SHOC2: variants seen among roughly 807,000 people sequenced by gnomAD.
The protein encoded by SHOC2 is SHOC2 leucine rich repeat scaffold protein, also known as leucine-rich repeat protein SHOC-2.
A neutral mutation model predicts 50.2 loss-of-function variants in SHOC2; 4 were observed. The ratio of observed to expected loss-of-function variants is 0.08; its 90% CI spans 0.04 to 0.18. The LOEUF (loss-of-function observed/expected upper bound fraction) is 0.18, where lower values mean the gene tolerates loss of function less well. SHOC2 is among the 10% of genes least tolerant of loss of function. The pLI is 1.00. For synonymous variants in SHOC2, 218 were observed against 244.5 expected (o/e 0.89, Z 1.01); for missense variants, 388 against 669.6 (o/e 0.58, Z 4.64).
At chr10:110,997,734 A>AAT (rs1248101498) in intron 3 of SHOC2, among the ~76,000 whole-genome samples, 1 of 152,188 alleles carries the variant, frequency 6.6e-6, no homozygotes, top group East Asian at 1.9e-4. Context: ...CTACCCTGTC[A>AAT]GGTATGTGGC....
chr10:110,940,060 GTAT>G (rs1429062837), intron 1 of SHOC2, among the ~76,000 whole-genome samples: 3 of 152,194 alleles, frequency 2.0e-5, no homozygotes, highest in African/African-American at 7.2e-5. Flanking sequence ...TAGACATAAT[GTAT>G]TATTGGAAGA....
intron 2 of SHOC2, among the ~76,000 whole-genome samples, chr10:110,965,567 T>C (rs1256035049): frequency 6.6e-6 from 1 of 152,112 alleles, no homozygotes; most frequent in Non-Finnish European, 1.5e-5. Flanking sequence ...AAAAAATTTT[T>C]TTTTGCATCT....
intron 1 of SHOC2, among the ~76,000 whole-genome samples, chr10:110,942,671 G>A (rs1236004309): frequency 2.6e-5 from 4 of 152,198 alleles, no homozygotes; most frequent in South Asian, 2.1e-4. Context: ...GGTCTACTCG[G>A]ACTCTTTCAT....
intron 1 of SHOC2, 41 bp downstream of exon 1, chr10:110,919,698 G>T (rs1846568979): frequency 2.5e-6 from 1 of 397,834 alleles, no homozygotes; most frequent in Non-Finnish European, 4.4e-6. Context: ...CTGTTGGTCG[G>T]TTCTTCCTGC....
At chr10:111,001,799 C>T (rs773172632) in intron 4 of SHOC2, among the ~76,000 whole-genome samples, 14 of 150,440 alleles carry the variant, frequency 9.3e-5, no homozygotes, top group African/African-American at 2.2e-4. Context: ...TTTGGGAGGC[C>T]GAGGCAGGCG....
Position 110,997,132 on chromosome 10 carries a change from A to G in SHOC2, c.842-3283A>G, listed in dbSNP as rs180931789. Among the ~76,000 whole-genome samples, 12 of 152,368 alleles carry G rather than the reference A, an allele frequency of 7.9e-5. No homozygotes were observed. The East Asian group carries it at 2.1e-3, about 27-fold the overall frequency. ...TTTGAACTTTAAAACAAGTTGACTTAGAAGCCAGAATTAAGTGAAATAACC... is the reference window on the plus strand; with the variant it reads ...TTTGAACTTTAAAACAAGTTGACTTGGAAGCCAGAATTAAGTGAAATAACC... On this transcript the variant is annotated intron_variant, in intron 3 of 8. Coordinates refer to ENST00000369452, the MANE Select transcript of SHOC2 (RefSeq NM_007373.4).
intron 1 of SHOC2, among the ~76,000 whole-genome samples, chr10:110,936,456 T>A (rs1847013428): frequency 6.6e-6 from 1 of 152,094 alleles, no homozygotes; most frequent in South Asian, 2.1e-4. Flanking sequence ...GTTAAGATAG[T>A]AATGTTTTTT....
chr10:110,938,927 T>A (rs1361685796), intron 1 of SHOC2, among the ~76,000 whole-genome samples: 1 of 152,348 alleles, frequency 6.6e-6, no homozygotes, highest in East Asian at 1.9e-4. Context: ...TAGTATGTTT[T>A]CTATAAATCT....
intron 2 of SHOC2, among the ~76,000 whole-genome samples, chr10:110,980,904 TTTA>T (rs1168657134): frequency 2.0e-5 from 3 of 152,204 alleles, no homozygotes; most frequent in Non-Finnish European, 4.4e-5. Context: ...ATTTCCTTAT[TTTA>T]TGATTCCCCA....
At chr10:110,974,419 G>T (rs1361182747) in intron 2 of SHOC2, among the ~76,000 whole-genome samples, 2 of 151,948 alleles carry the variant, frequency 1.3e-5, no homozygotes, top group South Asian at 2.1e-4. Flanking sequence ...AAAAATATCA[G>T]CAAGGTCAAG....
chr10:110,968,569 T>C (rs1008996525), intron 2 of SHOC2, among the ~76,000 whole-genome samples: 3 of 151,562 alleles, frequency 2.0e-5, no homozygotes, highest in Non-Finnish European at 4.4e-5. Flanking sequence ...TATTAGATGC[T>C]TATTCTTCTT....
chr10:110,976,344 C>T (rs187680450), intron 2 of SHOC2, among the ~76,000 whole-genome samples: 169 of 151,110 alleles, frequency 1.1e-3, no homozygotes, highest in African/African-American at 3.9e-3. Context: ...CAGGATCTCA[C>T]TCTGTTACCC....
intron 1 of SHOC2, among the ~76,000 whole-genome samples, chr10:110,933,388 TAAAAG>T (rs1846932942): frequency 6.6e-6 from 1 of 152,052 alleles, no homozygotes; most frequent in Non-Finnish European, 1.5e-5. Flanking sequence ...ATGATTAAGT[TAAAAG>T]AAAAATTAAC....
Position 111,012,525 on chromosome 10 carries a change from G to A in SHOC2, c.*707G>A, listed in dbSNP as rs1396298913. 6.6e-6 allele frequency: 1 copy of A among 152,136 alleles called. No homozygotes were observed. Among genetic ancestry groups the A allele is most frequent in the African/African-American group, 2.4e-5 (1 of 41,434 alleles). 9.4% of individuals were successfully genotyped at this position (152,136 alleles called of 1,614,324 possible). ...TGACGAGTTGTGAAGCAAAATACCT[G>A]AAGTGAGTCTTTGGGTAGGGGAAGG... is the stretch of plus-strand genomic sequence containing the variant. On this transcript the variant is annotated 3_prime_UTR_variant, in exon 9 of 9. Coordinates refer to ENST00000369452, the MANE Select transcript of SHOC2 (RefSeq NM_007373.4).
At chr10:110,960,247 T>A (rs1433362249) in intron 1 of SHOC2, among the ~76,000 whole-genome samples, 3 of 152,268 alleles carry the variant, frequency 2.0e-5, no homozygotes, top group Non-Finnish European at 4.4e-5. Flanking sequence ...TCTACTTTTA[T>A]GCTAAACTGA....
At chr10:110,940,798 G>GT (rs1847121920) in intron 1 of SHOC2, among the ~76,000 whole-genome samples, 1 of 150,936 alleles carries the variant, frequency 6.6e-6, no homozygotes, top group African/African-American at 2.4e-5. Flanking sequence ...ATTGGTATAC[G>GT]TTTTTTAGAA....
intron 3 of SHOC2, among the ~76,000 whole-genome samples, chr10:110,999,358 G>A (rs1848324319): frequency 6.6e-6 from 1 of 152,102 alleles, no homozygotes; most frequent in Admixed American, 6.5e-5. Context: ...TTGAATTTGA[G>A]TTGAACCATA....
intron 1 of SHOC2, among the ~76,000 whole-genome samples, chr10:110,953,137 G>A (rs1000991956): frequency 6.6e-6 from 1 of 152,148 alleles, no homozygotes; most frequent in East Asian, 1.9e-4. Context: ...TTGAGGAATC[G>A]CCACACTGTC....
intron 2 of SHOC2, among the ~76,000 whole-genome samples, chr10:110,970,213 C>T (rs1329444738): frequency 1.3e-5 from 2 of 152,184 alleles, no homozygotes; most frequent in East Asian, 3.8e-4. Context: ...CAACCCCCGC[C>T]ACCCTTCTCA....
Sources: allele counts gnomAD v4.1 joint callset (sites outside exome capture counted in the v4.1 genomes callset), GRCh38; gene constraint gnomAD v4.1.1; transcripts MANE v1.5; gene names NCBI Gene and HGNC (gene_info 2026-07-23, HGNC 2026-07-21).